Variants in CNRIP1 observed in about 807,000 individuals in gnomAD.
The protein encoded by CNRIP1 is cannabinoid receptor interacting protein 1, also known as CB1 cannabinoid receptor-interacting protein 1.
CNRIP1 carries 10 observed loss-of-function variants against 15.2 expected under a neutral mutation model. That is an observed-to-expected ratio of 0.66 (90% CI 0.41 to 1.12). The LOEUF is 1.12. CNRIP1 is among the 50% of genes most tolerant of loss of function. The probability of loss-of-function intolerance (pLI) is 0.00; values close to 1 mark genes in which losing one functional copy is unlikely to be tolerated. For missense variants in CNRIP1, 211 were observed against 214.7 expected (o/e 0.98, Z 0.11); for synonymous variants, 91 against 83.2 (o/e 1.09, Z -0.51).
chr2:68,288,279 G>A (rs569702461), downstream of CNRIP1, among the ~76,000 whole-genome samples: 3 of 152,240 alleles, frequency 2.0e-5, no homozygotes, highest in African/African-American at 4.8e-5. Context: ...TTGACTCAAC[G>A]TTTTAGAGGA....
intron 2 of CNRIP1, among the ~76,000 whole-genome samples, chr2:68,306,124 CAAAAAAAAAAAAA>C (rs61586261): frequency 2.0e-4 from 5 of 25,340 alleles, no homozygotes; most frequent in African/African-American, 7.3e-4. Context: ...CCCACCTCTA[CAAAAAAAAAAAAA>C]AAAAAAAAAA....
At chr2:68,294,154 G>T in intron 2 of CNRIP1, 128 bp from the exon 3 acceptor site, 1 of 911,844 alleles carries the variant, frequency 1.1e-6, no homozygotes, top group Non-Finnish European at 1.6e-6. Context: ...GGTCTGCAAG[G>T]CTCGGAAGGC....
chr2:68,299,130 C>G lies in CNRIP1; in HGVS notation c.331-5104G>C, dbSNP rs1026245106. On this transcript the variant is annotated intron_variant, in intron 2 of 2. Transcript: ENST00000263655. ...TTTGCCCTCAGTCTAGACTCCAAAG[C>G]CAGCCAATGATAGGAGCAGGACAAG... 4.6e-5 allele frequency among the ~76,000 whole-genome samples: 7 copies of G among 152,100 alleles called. No individual in the cohort carries two copies. The South Asian group carries it at 8.3e-4, about 18-fold the overall frequency.
chr2:68,313,209 T>C (rs1672152867), intron 2 of CNRIP1, among the ~76,000 whole-genome samples: 2 of 152,146 alleles, frequency 1.3e-5, no homozygotes, highest in Admixed American at 1.3e-4. Context: ...ACATTGAGTA[T>C]GTAAAGCAAC....
chr2:68,305,278 G>A (rs57285026), intron 2 of CNRIP1, among the ~76,000 whole-genome samples: 18,505 of 59,532 alleles, frequency 0.31, 1,365 homozygotes, highest in East Asian at 0.36. Flanking sequence ...ATATATATGT[G>A]TGTGTGTGTG....
At chr2:68,304,610 C>T (rs1671740214) in intron 2 of CNRIP1, among the ~76,000 whole-genome samples, 2 of 135,212 alleles carry the variant, frequency 1.5e-5, no homozygotes, top group Non-Finnish European at 3.1e-5. Context: ...GGTTTGAGCA[C>T]TGGTCATCTG....
chr2:68,284,768 G>A (rs571659582), intron 2 of CNRIP1, among the ~76,000 whole-genome samples: 38 of 144,406 alleles, frequency 2.6e-4, no homozygotes, highest in African/African-American at 8.9e-4. Flanking sequence ...CTGAGATTGT[G>A]CCACTGCACT....
chr2:68,291,716 TA>T (rs1490472176), downstream of CNRIP1, among the ~76,000 whole-genome samples: 1 of 151,900 alleles, frequency 6.6e-6, no homozygotes, highest in Non-Finnish European at 1.5e-5. Flanking sequence ...CCATCTCTAC[TA>T]AAAATATAAA....
At chr2:68,305,810 C>A (rs77359750) in intron 2 of CNRIP1, among the ~76,000 whole-genome samples, 96 of 110,042 alleles carry the variant, frequency 8.7e-4, no homozygotes, top group Middle Eastern at 6.1e-3. Context: ...AAAAAAAAAA[C>A]ACACACACAC....
chr2:68,284,282 T>A, exon 3 of CNRIP1: 1 of 513,850 alleles, frequency 1.9e-6, no homozygotes, highest in Non-Finnish European at 3.3e-6. Context: ...TCTAAAAAGG[T>A]AGAGTTTAGG....
intron 2 of CNRIP1, among the ~76,000 whole-genome samples, chr2:68,308,533 T>G (rs1044609614): frequency 1.9e-4 from 29 of 152,162 alleles, no homozygotes; most frequent in African/African-American, 6.5e-4. Flanking sequence ...TTTTCCGTAA[T>G]TTTAGATTTT....
chr2:68,311,915 A>T (rs1325578464), intron 2 of CNRIP1, among the ~76,000 whole-genome samples: 1 of 152,132 alleles, frequency 6.6e-6, no homozygotes, highest in Non-Finnish European at 1.5e-5. Flanking sequence ...TAATTGAAAT[A>T]AATGACTTCT....
intron 2 of CNRIP1, among the ~76,000 whole-genome samples, chr2:68,309,653 C>T (rs1558667728): frequency 6.6e-6 from 1 of 152,112 alleles, no homozygotes; most frequent in Non-Finnish European, 1.5e-5. Flanking sequence ...TTCTCAACCC[C>T]TTGAAAGACT....
At chr2:68,284,544 A>C (rs1670980489) in intron 2 of CNRIP1, 1 of 1,140,290 alleles carries the variant, frequency 8.8e-7, no homozygotes, top group Non-Finnish European at 1.2e-6. Flanking sequence ...AGGTGCAGTG[A>C]CTCACGCCCG....
rs1161592517 is a variant in CNRIP1 at position 68,310,946 on chromosome 2, G to A, written c.330+6211C>T. Among the ~76,000 whole-genome samples, 3 of 152,168 alleles carry A rather than the reference G, an allele frequency of 2.0e-5. No individual in the cohort carries two copies. In the South Asian group the frequency reaches 6.2e-4, roughly 32 times the overall value. ...GAAGATAAGCACAAGACTAGAAATA[G>A]AAGAATCAGTGAACTTAAGGATACA... On this transcript the variant is annotated intron_variant, in intron 2 of 2. Coordinates refer to ENST00000263655, the MANE Select transcript of CNRIP1 (RefSeq NM_015463.3).
chr2:68,318,660 C>A (rs1672369741), intron 1 of CNRIP1, among the ~76,000 whole-genome samples: 1 of 152,234 alleles, frequency 6.6e-6, no homozygotes, highest in Admixed American at 6.5e-5. Flanking sequence ...CGCTCTCTTA[C>A]TAGTGTCTGC....
intron 2 of CNRIP1, among the ~76,000 whole-genome samples, chr2:68,314,119 T>C (rs375299383): frequency 1.2e-4 from 18 of 152,146 alleles, no homozygotes; most frequent in East Asian, 1.2e-3. Context: ...TTTTTTGCTA[T>C]ACTTTTCATA....
chr2:68,314,094 C>T (rs1463550853), intron 2 of CNRIP1, among the ~76,000 whole-genome samples: 1 of 152,120 alleles, frequency 6.6e-6, no homozygotes, highest in Non-Finnish European at 1.5e-5. Flanking sequence ...TTGGTATATA[C>T]TCTAACAGCA....
chr2:68,309,614 T>C (rs1671999387), intron 2 of CNRIP1, among the ~76,000 whole-genome samples: 1 of 152,234 alleles, frequency 6.6e-6, no homozygotes, highest in African/African-American at 2.4e-5. Flanking sequence ...TTAAGGTGCC[T>C]ATCTTATCAC....
Sources: allele counts gnomAD v4.1 joint callset (sites outside exome capture counted in the v4.1 genomes callset), GRCh38; gene constraint gnomAD v4.1.1; transcripts MANE v1.5; gene names NCBI Gene and HGNC (gene_info 2026-07-23, HGNC 2026-07-21).